APOO: variants seen among roughly 807,000 people sequenced by gnomAD.
The protein encoded by APOO is apolipoprotein O.
In APOO, 11 loss-of-function variants were observed where a neutral mutation model predicts 23.1. That is an observed-to-expected ratio of 0.48 (90% CI 0.30 to 0.79). The LOEUF is 0.79. Ranked by LOEUF, APOO falls within the 30% of genes least tolerant of loss-of-function variation. APOO has a pLI of 0.07. For missense variants in APOO, 160 were observed against 142.7 expected, an observed-to-expected ratio of 1.12 and a Z score of -0.62; for synonymous variants, 59 against 54.8, an observed-to-expected ratio of 1.08 and a Z score of -0.34.
intron 1 of APOO, among the ~76,000 whole-genome samples, chrX:23,901,502 G>A (rs1423257891): frequency 9.0e-6 from 1 of 111,403 alleles, no homozygotes; most frequent in Admixed American, 9.6e-5. Flanking sequence ...TCAATGAATA[G>A]TTCCCACCTC....
At chrX:23,900,578 G>A (rs1199311037) in intron 1 of APOO, among the ~76,000 whole-genome samples, 1 of 108,900 alleles carries the variant, frequency 9.2e-6, no homozygotes, top group East Asian at 2.9e-4. Flanking sequence ...GGGAGGCTAA[G>A]GGAGGAGACC....
intron 4 of APOO, among the ~76,000 whole-genome samples, chrX:23,869,921 C>T (rs1925529835): frequency 9.5e-6 from 1 of 104,849 alleles, no homozygotes; most frequent in South Asian, 4.3e-4. Flanking sequence ...CACTGCACTC[C>T]AGCATGGGTG....
chrX:23,886,266 A>G (rs1926363236), intron 1 of APOO, among the ~76,000 whole-genome samples: 1 of 111,537 alleles, frequency 9.0e-6, no homozygotes, highest in Non-Finnish European at 1.9e-5. Context: ...CCATGGCCTC[A>G]AACATAGTGA....
chrX:23,841,665 G>C (rs1250719033), intron 7 of APOO, among the ~76,000 whole-genome samples: 2 of 108,957 alleles, frequency 1.8e-5, no homozygotes, highest in Non-Finnish European at 3.8e-5. Flanking sequence ...CTACAGGACT[G>C]AGAATCTGTG....
chrX:23,894,519 G>C (rs1047140627), intron 1 of APOO, among the ~76,000 whole-genome samples: 2 of 112,001 alleles, frequency 1.8e-5, no homozygotes, highest in African/African-American at 6.5e-5. Context: ...GTCTCGGCCA[G>C]GCGCCGTGGC....
chrX:23,856,904 A>G (rs1924807698), intron 6 of APOO, among the ~76,000 whole-genome samples: 2 of 112,866 alleles, frequency 1.8e-5, no homozygotes, highest in Admixed American at 9.4e-5. Context: ...ACAGAATACT[A>G]TGCAGCCAAA....
intron 1 of APOO, chrX:23,883,590 C>T (rs1026785095): frequency 1.8e-5 from 2 of 111,776 alleles, no homozygotes; most frequent in Non-Finnish European, 3.8e-5. Flanking sequence ...ACGTGTGATC[C>T]GGTTTTTCTG....
chrX:23,848,304 A>T (rs1256688735), intron 7 of APOO, among the ~76,000 whole-genome samples: 2 of 110,623 alleles, frequency 1.8e-5, no homozygotes, highest in Admixed American at 1.9e-4. Context: ...AGCTGGGACT[A>T]CAGGCGCGTG....
intron 7 of APOO, among the ~76,000 whole-genome samples, chrX:23,849,165 T>C (rs776154708): frequency 9.1e-6 from 1 of 109,486 alleles, no homozygotes; most frequent in African/African-American, 3.3e-5. Flanking sequence ...TTCGAACTCC[T>C]GATCTCAAGT....
intron 1 of APOO, among the ~76,000 whole-genome samples, chrX:23,904,462 G>A (rs1199589959): frequency 9.2e-6 from 1 of 108,300 alleles, no homozygotes; most frequent in Non-Finnish European, 1.9e-5. Context: ...AAACCAACCT[G>A]ACTGTGGAAA....
At chrX:23,840,242 TA>T in intron 8 of APOO, 70 bp downstream of exon 8, 4 of 587,086 alleles carry the variant, frequency 6.8e-6, no homozygotes, top group Non-Finnish European at 1.0e-5. Flanking sequence ...TAAATTAAAT[TA>T]ATTAAAAACA....
At chrX:23,897,350 G>A (rs1284154771) in intron 1 of APOO, among the ~76,000 whole-genome samples, 3 of 112,225 alleles carry the variant, frequency 2.7e-5, no homozygotes, top group Non-Finnish European at 5.6e-5. Context: ...CAAAGAGTGA[G>A]ATAATTGTTC....
At chrX:23,896,086 G>A (rs780036843) in intron 1 of APOO, among the ~76,000 whole-genome samples, 1 of 110,272 alleles carries the variant, frequency 9.1e-6, no homozygotes, top group East Asian at 2.8e-4. Flanking sequence ...TGACCAACAC[G>A]GTGAAACCCT....
chrX:23,861,822 G>A lies in APOO; in HGVS notation c.389-3089C>T, dbSNP rs1175243456. Among the ~76,000 whole-genome samples, 6 of 84,456 alleles carry A rather than the reference G, an allele frequency of 7.1e-5. No homozygotes were observed. In the East Asian group the frequency reaches 1.6e-3, roughly 22 times the overall value. The allele number at this position is 84,456 out of a possible 115,157, so 73.3% of individuals were successfully genotyped here. On this transcript the variant is annotated intron_variant, in intron 5 of 8. Coordinates refer to ENST00000379226, the MANE Select transcript of APOO (RefSeq NM_024122.5). ...TTTTTTTTTTTTTTTTTTTTTTCCC[G>A]AGACGGAGTCTTGCTCTGTTGCTCA...
intron 1 of APOO, among the ~76,000 whole-genome samples, chrX:23,903,200 T>C (rs1927204608): frequency 9.0e-6 from 1 of 110,884 alleles, no homozygotes; most frequent in Non-Finnish European, 1.9e-5. Flanking sequence ...AAGCCCCGTC[T>C]CTACTAAAGA....
At chrX:23,890,443 G>T (rs745769529) in intron 1 of APOO, among the ~76,000 whole-genome samples, 12 of 112,153 alleles carry the variant, frequency 1.1e-4, no homozygotes, top group Non-Finnish European at 2.3e-4. Context: ...AGAGCTTCTA[G>T]AGTGCTAGTA....
At position 23,907,697 on chromosome X, in the gene APOO, G is replaced by C. The variant is rs1373428884; in HGVS notation, c.6C>G (p.Phe2Leu). The change falls in exon 1 of 9, where the codon TTC becomes TTG. Residue 2 changes from phenylalanine (F) to leucine (L), a missense_variant. Transcript: ENST00000379226. ...TGACTCGACTCCACGCTCTCACCTT[G>C]AACATGTCGCTGGCAGCGGAGGCTC... M[F>L]KVIQRSVGPA... 1 of 1,160,375 alleles carries C rather than the reference G, an allele frequency of 8.6e-7. No individual in the cohort carries two copies. The highest frequency in any genetic ancestry group is 2.0e-5 in the South Asian group (1 of 51,084).
chrX:23,888,539 A>T (rs762228075), intron 1 of APOO, among the ~76,000 whole-genome samples: 11 of 111,456 alleles, frequency 9.9e-5, no homozygotes, highest in Non-Finnish European at 2.1e-4. Context: ...CCACAATTTA[A>T]AAAATAAATT....
intron 1 of APOO, among the ~76,000 whole-genome samples, chrX:23,901,599 T>C (rs1244902901): frequency 8.9e-6 from 1 of 111,874 alleles, no homozygotes; most frequent in African/African-American, 3.3e-5. Flanking sequence ...TCCAACTGAC[T>C]ACCAAGTTTT....
Sources: gnomAD v4.1 joint callset for allele counts (sites outside exome capture counted in the v4.1 genomes callset) on GRCh38, gnomAD v4.1.1 for gene constraint, MANE v1.5 for transcripts, NCBI Gene and HGNC (gene_info 2026-07-23, HGNC 2026-07-21) for gene names.